ZNF34: variants seen among roughly 807,000 people sequenced by gnomAD.
ZNF34 encodes the protein zinc finger protein 34 (KOX 32).
In ZNF34, 8 loss-of-function variants were observed where a neutral mutation model predicts 14.4. The observed-to-expected ratio is 0.55, with a 90% CI of 0.33 to 1.00. The LOEUF (loss-of-function observed/expected upper bound fraction) is 1.00, where lower values mean the gene tolerates loss of function less well. ZNF34 is among the 50% of genes least tolerant of loss of function. ZNF34 has a pLI of 0.03. For synonymous variants in ZNF34, 235 were observed against 247.9 expected (o/e 0.95, Z 0.49); for missense variants, 538 against 674.2 (o/e 0.80, Z 2.24).
rs1825712829 is a variant in ZNF34, at chr8:144,779,089, G to T, written c.-54-564C>A. 6.6e-6 allele frequency among the ~76,000 whole-genome samples: 1 copy of T among 151,944 alleles called. No homozygotes were observed. The highest frequency in any genetic ancestry group is 1.9e-4 in the East Asian group (1 of 5,186). ...CCTCATGGCTTGGATGGAATCCAGG[G>T]CTCAGGGCACAAAACCCCTTGTGGC... On this transcript the variant is annotated intron_variant, in intron 2 of 5. Transcript: ENST00000429371. This position sits in a 1 kb window ranked among gnomAD's most constrained non-coding sequence, Gnocchi z 4.1.
At chr8:144,780,175 C>A in intron 2 of ZNF34, 53 bp downstream of exon 2, 1 of 1,424,236 alleles carries the variant, frequency 7.0e-7, no homozygotes, top group Non-Finnish European at 9.7e-7. Context: ...CCAGCCTGGG[C>A]AACAAAGCAA....
Position 144,772,440 on chromosome 8 carries a change from C to A in ZNF34, c.*826G>T, listed in dbSNP as rs925434690. 2.0e-5 allele frequency among the ~76,000 whole-genome samples: 3 copies of A among 152,176 alleles called. No homozygotes were observed. Among genetic ancestry groups the A allele is most frequent in the Admixed American group, 6.5e-5 (1 of 15,280 alleles). On this transcript the variant is annotated 3_prime_UTR_variant, in exon 6 of 6. Coordinates refer to ENST00000429371, the MANE Select transcript of ZNF34 (RefSeq NM_001286769.2). ...ATGTACTTAATGCCACTGAATTGTA[C>A]ACTTAAAAATGGTTAAAATTGTAAA...
At chr8:144,776,169 A>G (rs1031825481) in intron 5 of ZNF34, among the ~76,000 whole-genome samples, 1 of 152,050 alleles carries the variant, frequency 6.6e-6, no homozygotes, top group Non-Finnish European at 1.5e-5. Context: ...AAAATTAGCC[A>G]GGCATGGTGG....
chr8:144,785,555 C>G (rs892908798), intron 1 of ZNF34: 1 of 152,176 alleles, frequency 6.6e-6, no homozygotes, highest in Admixed American at 6.6e-5. Context: ...CCACTGCACT[C>G]TAGCCTGAGC....
rs564805190 is a variant in ZNF34 at position 144,777,134 on chromosome 8, G to A, written c.280+324C>T. On this transcript the variant is annotated intron_variant, in intron 5 of 5. Transcript: ENST00000429371. The surrounding 1 kb of genome is among the most constrained non-coding windows in gnomAD (Gnocchi z 4.8). ...CATTATCTGGCATCAGCTCTGGAGC[G>A]CAGGGTTCTGTGGGGTTCCGCAGAC... Among the ~76,000 whole-genome samples, 6 of 152,110 alleles carry A rather than the reference G, an allele frequency of 3.9e-5. No homozygotes were observed. In the South Asian group the frequency reaches 6.2e-4, roughly 16 times the overall value.
rs1048348021 is a variant in ZNF34, at chr8:144,772,571, G to T, written c.*695C>A. Among the ~76,000 whole-genome samples, 1 of 152,148 alleles carries T rather than the reference G, an allele frequency of 6.6e-6. No individual in the cohort carries two copies. The highest frequency in any genetic ancestry group is 2.4e-5 in the African/African-American group (1 of 41,436). On this transcript the variant is annotated 3_prime_UTR_variant, in exon 6 of 6. Coordinates refer to ENST00000429371, the MANE Select transcript of ZNF34 (RefSeq NM_001286769.2). ...CATTTATTTTTTGAGACAGCGTCTCGCTCTGTCACCCAGGCTGGAGTACAG... is the reference window on the plus strand; with the variant it reads ...CATTTATTTTTTGAGACAGCGTCTCTCTCTGTCACCCAGGCTGGAGTACAG...
At chr8:144,785,300 TGGCAAACCCTGTA>T in intron 1 of ZNF34, 1 of 152,168 alleles carries the variant, frequency 6.6e-6, no homozygotes, top group South Asian at 2.1e-4. Context: ...GGATATGACC[TGGCAAACCCTGTA>T]GTCCCAGCTA....
rs1825409530 is a variant in ZNF34 at position 144,774,887 on chromosome 8, G to C, written c.281-282C>G. ...AGAATGGAGAGTGACAAGTACCCAAGTGGGGTCCTGCCACATGGCCGCTCA... is the reference window on the plus strand; with the variant it reads ...AGAATGGAGAGTGACAAGTACCCAACTGGGGTCCTGCCACATGGCCGCTCA... On this transcript the variant is annotated intron_variant, in intron 5 of 5. Coordinates refer to ENST00000429371, the MANE Select transcript of ZNF34 (RefSeq NM_001286769.2). 2.0e-5 allele frequency among the ~76,000 whole-genome samples: 3 copies of C among 152,176 alleles called. No individual in the cohort carries two copies. The South Asian group carries it at 6.2e-4, about 31-fold the overall frequency.
intron 1 of ZNF34, among the ~76,000 whole-genome samples, chr8:144,780,998 T>C (rs59558674): frequency 0.071 from 10,653 of 150,194 alleles, 1,269 homozygotes; most frequent in African/African-American, 0.25. Flanking sequence ...TAGCCGGGCG[T>C]GGTGGCGGGG....
chr8:144,775,799 C>T (rs746890705), intron 5 of ZNF34, among the ~76,000 whole-genome samples: 2 of 152,102 alleles, frequency 1.3e-5, no homozygotes, highest in Non-Finnish European at 2.9e-5. Flanking sequence ...AGGGTTTGTC[C>T]TATTTCTATA....
intron 3 of ZNF34, 53 bp downstream of exon 3, chr8:144,778,386 C>T (rs1015187921): frequency 4.4e-5 from 65 of 1,465,910 alleles, no homozygotes; most frequent in Admixed American, 4.3e-4. Context: ...CAGTGTTTGC[C>T]AAGGAAAGCC....
In ZNF34 at chr8:144,779,685, C is replaced by T. The variant is rs1028322989; in HGVS notation, c.-55+543G>A. On this transcript the variant is annotated intron_variant, in intron 2 of 5. Coordinates refer to ENST00000429371, the MANE Select transcript of ZNF34 (RefSeq NM_001286769.2). This position sits in a 1 kb window ranked among gnomAD's most constrained non-coding sequence, Gnocchi z 4.1. ...CTCTTGAGCTCAAGCAATCCTCTTG[C>T]CTCGGCCTCCCAAAGTGCTGGGATT... Among the ~76,000 whole-genome samples, 1 of 152,172 alleles carries T rather than the reference C, an allele frequency of 6.6e-6. No homozygotes were observed.
intron 1 of ZNF34, among the ~76,000 whole-genome samples, chr8:144,786,625 C>T (rs1826254330): frequency 6.6e-6 from 1 of 151,110 alleles, no homozygotes; most frequent in Non-Finnish European, 1.5e-5. Flanking sequence ...CAGAGCGAGA[C>T]TCCGTCTCAG....
Position 144,773,996 on chromosome 8 carries a change from C to T in ZNF34, c.890G>A (p.Arg297Gln), listed in dbSNP as rs757416826. The change falls in exon 6 of 6, where the codon CGG (arginine) becomes CAG (glutamine). Residue 297 changes from arginine (R) to glutamine (Q), a missense_variant. Arg to Gln is a conservative substitution (Grantham distance 43). Coordinates refer to ENST00000429371, the MANE Select transcript of ZNF34 (RefSeq NM_001286769.2). The surrounding 1 kb of genome is among the most constrained non-coding windows in gnomAD (Gnocchi z 5.4). ...CTGGTGCTTCATGAGGTTGGGCCTC[C>T]GGGTGAATGTCTTCCCACACTCGTC... is the stretch of plus-strand genomic sequence containing the variant. Reference protein sequence around the residue: ...RCDECGKTFTRRPNLMKHQRI... With the variant: ...RCDECGKTFTQRPNLMKHQRI... 13 of 1,613,720 alleles carry T rather than the reference C, an allele frequency of 8.1e-6. No homozygotes were observed. The highest frequency in any genetic ancestry group is 3.3e-5 in the South Asian group (3 of 91,074).
chr8:144,776,945 A>G (rs974953577), intron 5 of ZNF34, among the ~76,000 whole-genome samples: 3 of 151,782 alleles, frequency 2.0e-5, no homozygotes, highest in African/African-American at 4.8e-5. Context: ...GTGTCAGTAC[A>G]TAACAGTGGA....
At chr8:144,787,041 C>T (rs1360940189) in intron 1 of ZNF34, among the ~76,000 whole-genome samples, 1 of 152,128 alleles carries the variant, frequency 6.6e-6, no homozygotes, top group Non-Finnish European at 1.5e-5. Context: ...GTCAGGGGCT[C>T]GAGAGCGGAA....
At position 144,785,124 on chromosome 8, in the gene ZNF34, A is replaced by G. The variant is rs111680413; in HGVS notation, c.-108+2155T>C. ...ACCCTGCCAAAAAAAAAAAAAAAAA[A>G]AAAAAGAAAAAGGATTCTGTACAAG... is the stretch of plus-strand genomic sequence containing the variant. On this transcript the variant is annotated intron_variant, in intron 1 of 5. Coordinates refer to ENST00000429371, the MANE Select transcript of ZNF34 (RefSeq NM_001286769.2). Among the ~76,000 whole-genome samples, 1,149 of 150,542 alleles carry G rather than the reference A, an allele frequency of 7.6e-3. 7 individuals are homozygous for G. The highest frequency in any genetic ancestry group is 0.024 in the African/African-American group (985 of 40,748).
intron 1 of ZNF34, among the ~76,000 whole-genome samples, chr8:144,784,456 A>AT (rs1398789328): frequency 8.5e-6 from 1 of 118,088 alleles, no homozygotes; most frequent in Non-Finnish European, 1.8e-5. Context: ...AGACCTAAAC[A>AT]TTAAAAAAAA....
At chr8:144,786,141 C>A (rs1322173758) in intron 1 of ZNF34, among the ~76,000 whole-genome samples, 1 of 151,562 alleles carries the variant, frequency 6.6e-6, no homozygotes, top group African/African-American at 2.4e-5. Context: ...CCCGCTACCA[C>A]GCCCGGCTAA....
Sources: allele counts gnomAD v4.1 joint callset (sites outside exome capture counted in the v4.1 genomes callset), GRCh38; gene constraint gnomAD v4.1.1; non-coding constraint Gnocchi (gnomAD v3.1); transcripts MANE v1.5; gene names NCBI Gene and HGNC (gene_info 2026-07-23, HGNC 2026-07-21).